PCDHA1: variants seen among roughly 807,000 people sequenced by gnomAD.
PCDHA1 encodes protocadherin alpha-1.
In PCDHA1, 42 loss-of-function variants were observed where a neutral mutation model predicts 61.3. The ratio of observed to expected loss-of-function variants is 0.69; its 90% confidence interval spans 0.54 to 0.89. The LOEUF (loss-of-function observed/expected upper bound fraction) is 0.89, where lower values mean the gene tolerates loss of function less well. Ranked by LOEUF, PCDHA1 falls within the 40% of genes least tolerant of loss-of-function variation. The probability of loss-of-function intolerance (pLI) is 0.00; values close to 1 mark genes in which losing one functional copy is unlikely to be tolerated. For missense variants in PCDHA1, 1,256 were observed against 1,235.3 expected, an observed-to-expected ratio of 1.02 and a Z score of -0.25; for synonymous variants, 610 against 553.8, an observed-to-expected ratio of 1.10 and a Z score of -1.43.
At chr5:140,929,721 ATTTACT>A (rs1474734727) in intron 1 of PCDHA1, 3 of 222,378 alleles carry the variant, frequency 1.3e-5, no homozygotes, top group African/African-American at 4.6e-5. Flanking sequence ...AAGGTGAAAC[ATTTACT>A]TAAACTATTG....
intron 1 of PCDHA1, among the ~76,000 whole-genome samples, chr5:140,798,936 C>T (rs988310121): frequency 1.3e-5 from 2 of 152,096 alleles, no homozygotes; most frequent in Non-Finnish European, 1.5e-5. Context: ...AAATAACTTC[C>T]ACTAGTGATC....
chr5:140,883,231 G>A, intron 1 of PCDHA1: 1 of 1,613,930 alleles, frequency 6.2e-7, no homozygotes, highest in Non-Finnish European at 8.5e-7. Context: ...TATCCGTGGA[G>A]GCAGTTGACA....
At chr5:140,815,804 A>G (rs1328932785) in intron 1 of PCDHA1, 1 of 152,128 alleles carries the variant, frequency 6.6e-6, no homozygotes, top group Non-Finnish European at 1.5e-5. Context: ...TTAACTGGGA[A>G]GGTCTTTATC....
intron 1 of PCDHA1, chr5:140,968,168 A>T (rs145694919): frequency 3.1e-6 from 5 of 1,614,098 alleles, no homozygotes; most frequent in Non-Finnish European, 4.2e-6. Context: ...CAATCCACCA[A>T]GCTTCCTGGA....
chr5:140,835,085 C>T (rs2150230592), intron 1 of PCDHA1: 2 of 1,227,056 alleles, frequency 1.6e-6, no homozygotes, highest in Admixed American at 2.4e-5. Context: ...CGGTACTGGA[C>T]AACAATGACA....
intron 1 of PCDHA1, among the ~76,000 whole-genome samples, chr5:140,911,285 G>C (rs1292114305): frequency 6.6e-6 from 1 of 152,078 alleles, no homozygotes; most frequent in Non-Finnish European, 1.5e-5. Flanking sequence ...GCTTCATCAG[G>C]GTCCTTTTAC....
At chr5:140,978,770 A>G in intron 1 of PCDHA1, 179 bp from the exon 2 acceptor site, 3 of 956,466 alleles carry the variant, frequency 3.1e-6, no homozygotes, top group Non-Finnish European at 2.5e-6. Context: ...CTGATGAACT[A>G]ATTTTCTTCT....
At chr5:140,892,439 T>G (rs2063514217) in intron 1 of PCDHA1, among the ~76,000 whole-genome samples, 1 of 152,206 alleles carries the variant, frequency 6.6e-6, no homozygotes, top group Non-Finnish European at 1.5e-5. Context: ...TTATCTAAAA[T>G]TTACATGTAT....
chr5:140,980,455 C>T (rs1412427414), intron 2 of PCDHA1, among the ~76,000 whole-genome samples: 1 of 152,086 alleles, frequency 6.6e-6, no homozygotes, highest in African/African-American at 2.4e-5. Context: ...CACGGTGAAA[C>T]CCTGTCTCTA....
At chr5:140,900,192 A>G (rs1280412667) in intron 1 of PCDHA1, among the ~76,000 whole-genome samples, 2 of 152,186 alleles carry the variant, frequency 1.3e-5, no homozygotes, top group African/African-American at 2.4e-5. Flanking sequence ...ACTTATAATG[A>G]CATCCAGTTT....
Position 140,850,434 on chromosome 5 carries a change from C to G in PCDHA1, c.2394+61750C>G, listed in dbSNP as rs2150484212. ...CGAAACGGACGCACCGCGCCAGCGC[C>G]TACTGGTGCTGGTGAAAGACCACGG... On this transcript the variant is annotated intron_variant, in intron 1 of 3. Coordinates refer to ENST00000504120, the MANE Select transcript of PCDHA1 (RefSeq NM_018900.4). 12 of 1,598,008 alleles carry G rather than the reference C, an allele frequency of 7.5e-6. No individual in the cohort carries two copies. In the Admixed American group the frequency reaches 1.9e-4, roughly 25 times the overall value.
chr5:141,010,396 C>A lies in PCDHA1; in HGVS notation c.*459C>A. 7.5e-7 allele frequency: 1 copy of A among 1,337,260 alleles called. No individual in the cohort carries two copies. Among genetic ancestry groups the A allele is most frequent in the Non-Finnish European group, 1.0e-6 (1 of 999,990 alleles). 82.8% of individuals were successfully genotyped at this position (1,337,260 alleles called of 1,614,324 possible). On this transcript the variant is annotated 3_prime_UTR_variant, in exon 4 of 4. Coordinates refer to ENST00000504120, the MANE Select transcript of PCDHA1 (RefSeq NM_018900.4). ...GTGCCAGATATTGGCTGAGACGAGC[C>A]AGCTTAGACTAATTGGTACAAGGAA...
At chr5:140,858,612 A>G (rs1554151880) in intron 1 of PCDHA1, 2 of 1,223,056 alleles carry the variant, frequency 1.6e-6, no homozygotes, top group Admixed American at 2.7e-5. Flanking sequence ...AAATTTTTTT[A>G]TCCTACCCAG....
chr5:140,834,632 T>C (rs1424749324), intron 1 of PCDHA1: 7 of 1,613,948 alleles, frequency 4.3e-6, no homozygotes, highest in African/African-American at 2.7e-5. Context: ...AGAATGGCAT[T>C]TTGTTTGTGA....
rs868915334 is a variant in PCDHA1 at position 140,786,330 on chromosome 5, C to T, written c.40C>T (p.Leu14=). 6.2e-7 allele frequency: 1 copy of T among 1,613,054 alleles called. No individual in the cohort carries two copies. Among genetic ancestry groups the T allele is most frequent in the Non-Finnish European group, 8.5e-7 (1 of 1,179,494 alleles). The change falls in exon 1 of 4, where the codon CTG becomes TTG. Residue 14 remains leucine, a synonymous_variant. Transcript: ENST00000504120. ...SRRGGLGARD[L]LLWLLLLAAW... is the part of the protein sequence containing the mutation. ...GAGAGGGGGCCTGGGAGCCCGGGAT[C>T]TGCTTCTTTGGCTTCTGCTCCTCGC... is the stretch of plus-strand genomic sequence containing the variant.
chr5:140,936,820 T>C (rs2091164037), intron 1 of PCDHA1, among the ~76,000 whole-genome samples: 1 of 152,236 alleles, frequency 6.6e-6, no homozygotes, highest in Non-Finnish European at 1.5e-5. Flanking sequence ...TTTTTGGCCC[T>C]TTGCATTTCT....
intron 1 of PCDHA1, among the ~76,000 whole-genome samples, chr5:140,969,908 TG>T (rs2096368267): frequency 6.6e-6 from 1 of 152,184 alleles, no homozygotes; most frequent in Non-Finnish European, 1.5e-5. Flanking sequence ...ATGTCACAAG[TG>T]ATAAAGCTGT....
rs1405025133 is a variant in PCDHA1, at chr5:140,828,918, C to A, written c.2394+40234C>A. The A allele has an allele frequency of 5.6e-6, 9 of 1,614,104 alleles. 1 individual carries two copies. The highest frequency in any genetic ancestry group is 7.6e-6 in the Non-Finnish European group (9 of 1,180,046). On this transcript the variant is annotated intron_variant, in intron 1 of 3. Transcript: ENST00000504120. ...GATCGGGATGAAGGAGCGAATGGGG[C>A]AATTTCATATTCTTTTAATAGCCTT... is the stretch of plus-strand genomic sequence containing the variant.
chr5:140,820,966 A>G (rs1766867474), intron 1 of PCDHA1, among the ~76,000 whole-genome samples: 1 of 152,142 alleles, frequency 6.6e-6, no homozygotes, highest in Non-Finnish European at 1.5e-5. Context: ...TTGAGTCAAT[A>G]CAAAAAGTAG....
Sources: allele counts gnomAD v4.1 joint callset (sites outside exome capture counted in the v4.1 genomes callset), GRCh38; gene constraint gnomAD v4.1.1; transcripts MANE v1.5; gene names NCBI Gene and HGNC (gene_info 2026-07-23, HGNC 2026-07-21).